The following MAGI2 variants were observed in gnomAD, a reference collection of about 807,000 sequenced individuals.
The protein encoded by MAGI2 is membrane associated guanylate kinase, WW and PDZ domain containing 2.
Under a neutral mutation model 133.3 loss-of-function variants are expected in MAGI2, and 35 were observed. The ratio of observed to expected loss-of-function variants is 0.26; its 90% CI spans 0.20 to 0.35. The LOEUF is 0.35. Ranked by LOEUF, MAGI2 falls within the 10% of genes least tolerant of loss-of-function variation. The pLI is 1.00. For synonymous variants in MAGI2, 729 were observed against 710.6 expected, an observed-to-expected ratio of 1.03 and a Z score of -0.41; for missense variants, 1,636 against 1,863.4, an observed-to-expected ratio of 0.88 and a Z score of 2.25.
intron 2 of MAGI2, among the ~76,000 whole-genome samples, chr7:78,720,493 A>G (rs1820157878): frequency 6.6e-6 from 1 of 151,984 alleles, no homozygotes; most frequent in Non-Finnish European, 1.5e-5. Context: ...CATCTTAACC[A>G]TTAGTTGTAT....
At chr7:78,070,152 C>A (rs916649918) in intron 21 of MAGI2, among the ~76,000 whole-genome samples, 1 of 124,740 alleles carries the variant, frequency 8.0e-6, no homozygotes, top group Non-Finnish European at 1.7e-5. Context: ...TATATATACA[C>A]ACATATATAT....
chr7:79,040,034 G>A (rs895644340), intron 1 of MAGI2, among the ~76,000 whole-genome samples: 19 of 151,952 alleles, frequency 1.3e-4, no homozygotes, highest in Non-Finnish European at 2.1e-4. Context: ...AATATGATTA[G>A]GCTTTGTTTC....
intron 1 of MAGI2, among the ~76,000 whole-genome samples, chr7:79,407,285 C>T (rs370058927): frequency 8.5e-5 from 13 of 152,182 alleles, no homozygotes; most frequent in South Asian, 8.3e-4. Context: ...TGAACTGCCA[C>T]GTTAAAGAAA....
intron 1 of MAGI2, among the ~76,000 whole-genome samples, chr7:79,286,939 T>C (rs146364013): frequency 6.6e-6 from 1 of 152,132 alleles, no homozygotes; most frequent in Non-Finnish European, 1.5e-5. Context: ...CTTTAGGGTA[T>C]CCATCATCCA....
chr7:78,373,040 C>G (rs145095284), intron 6 of MAGI2, among the ~76,000 whole-genome samples: 3 of 152,094 alleles, frequency 2.0e-5, no homozygotes, highest in Non-Finnish European at 4.4e-5. Context: ...CCAAGCTGAA[C>G]TCAAACTTCT....
At chr7:78,212,459 G>A (rs923060041) in intron 10 of MAGI2, among the ~76,000 whole-genome samples, 1 of 152,188 alleles carries the variant, frequency 6.6e-6, no homozygotes, top group African/African-American at 2.4e-5. Flanking sequence ...CAGCTGCCCT[G>A]AAGATACGGG....
intron 21 of MAGI2, among the ~76,000 whole-genome samples, chr7:78,042,140 C>A (rs1228146387): frequency 1.3e-5 from 2 of 152,140 alleles, no homozygotes; most frequent in Admixed American, 1.3e-4. Flanking sequence ...TTACTTTACC[C>A]TTTCTTCCTT....
intron 2 of MAGI2, among the ~76,000 whole-genome samples, chr7:78,957,291 G>GAAAAA (rs1802469525): frequency 7.4e-6 from 1 of 135,332 alleles, no homozygotes; most frequent in Non-Finnish European, 1.6e-5. Flanking sequence ...AAAAAGAAAA[G>GAAAAA]AAAAGAAAAA....
intron 2 of MAGI2, among the ~76,000 whole-genome samples, chr7:78,895,233 C>T (rs1165087383): frequency 6.6e-6 from 1 of 152,100 alleles, no homozygotes; most frequent in Non-Finnish European, 1.5e-5. Context: ...TGCCCTTGGC[C>T]ACCTCAGGAC....
At chr7:79,354,226 G>A (rs1339413455) in intron 1 of MAGI2, 1 of 152,242 alleles carries the variant, frequency 6.6e-6, no homozygotes, top group African/African-American at 2.4e-5. Flanking sequence ...AGCTATAGGT[G>A]TCAGCTCCCT....
chr7:79,203,316 C>T (rs1034042084), intron 1 of MAGI2, among the ~76,000 whole-genome samples: 2 of 151,962 alleles, frequency 1.3e-5, no homozygotes, highest in Admixed American at 6.6e-5. Context: ...TCATTTTACT[C>T]TTTAACTCAA....
At chr7:78,412,599 A>G (rs1170518158) in intron 6 of MAGI2, among the ~76,000 whole-genome samples, 1 of 152,054 alleles carries the variant, frequency 6.6e-6, no homozygotes, top group Non-Finnish European at 1.5e-5. Context: ...AATGGCAAAG[A>G]GTTGGATGGA....
At chr7:78,786,555 TC>T (rs1826835840) in intron 2 of MAGI2, among the ~76,000 whole-genome samples, 1 of 152,164 alleles carries the variant, frequency 6.6e-6, no homozygotes, top group South Asian at 2.1e-4. Flanking sequence ...CACAAGGGCT[TC>T]CTGACAGCCC....
chr7:78,513,511 G>A (rs1357920511), intron 4 of MAGI2, among the ~76,000 whole-genome samples: 1 of 146,368 alleles, frequency 6.8e-6, no homozygotes, highest in African/African-American at 2.4e-5. Flanking sequence ...AGAAACCCAG[G>A]GACACAGGTG....
In MAGI2 at chr7:79,355,522, G is replaced by T. The variant is rs1444838305; in HGVS notation, c.301+97498C>A. Among the ~76,000 whole-genome samples the T allele has an allele frequency of 2.6e-5, 4 of 152,172 alleles. No individual in the cohort carries two copies. In the East Asian group the frequency reaches 7.7e-4, roughly 29 times the overall value. ...ATTTTAAATTATAACTACATTTAAA[G>T]AAGTAAGTTCACTGCAACTGATCAG... On this transcript the variant is annotated intron_variant, in intron 1 of 21. Coordinates refer to ENST00000354212, the MANE Select transcript of MAGI2 (RefSeq NM_012301.4).
At chr7:79,214,442 T>TATATATATATATATATAA (rs1374232866) in intron 1 of MAGI2, among the ~76,000 whole-genome samples, 2 of 110,632 alleles carry the variant, frequency 1.8e-5, no homozygotes, top group African/African-American at 3.4e-5. Flanking sequence ...TATATATATA[T>TATATATATATATATATAA]AAATATGCAC....
At chr7:78,188,568 T>A (rs1827909016) in intron 12 of MAGI2, among the ~76,000 whole-genome samples, 1 of 152,210 alleles carries the variant, frequency 6.6e-6, no homozygotes, top group Non-Finnish European at 1.5e-5. Flanking sequence ...TGTTTTAACA[T>A]TTATTTATCA....
At chr7:78,085,116 G>A (rs1816474186) in intron 20 of MAGI2, among the ~76,000 whole-genome samples, 1 of 152,080 alleles carries the variant, frequency 6.6e-6, no homozygotes, top group African/African-American at 2.4e-5. Context: ...TAATCCAATT[G>A]GAAACTGAAA....
At chr7:79,163,154 A>C (rs1824548695) in intron 1 of MAGI2, among the ~76,000 whole-genome samples, 1 of 152,222 alleles carries the variant, frequency 6.6e-6, no homozygotes, top group Middle Eastern at 3.4e-3. Flanking sequence ...TTGTCTACTG[A>C]TAACAAGTCC....
Sources: allele counts gnomAD v4.1 joint callset (sites outside exome capture counted in the v4.1 genomes callset), GRCh38; gene constraint gnomAD v4.1.1; transcripts MANE v1.5; gene names NCBI Gene and HGNC (gene_info 2026-07-23, HGNC 2026-07-21).